CACNA1H: variants seen among roughly 807,000 people sequenced by gnomAD.
CACNA1H encodes the protein voltage-dependent T-type calcium channel subunit alpha-1H.
In CACNA1H, 149 loss-of-function variants were observed where a neutral mutation model predicts 192.5. The ratio of observed to expected loss-of-function variants is 0.77; its 90% confidence interval spans 0.68 to 0.89. The LOEUF (loss-of-function observed/expected upper bound fraction) is 0.89. Among genes scored for constraint, CACNA1H ranks in the 40% least tolerant of loss-of-function variants. The pLI, the probability that CACNA1H is intolerant of heterozygous loss-of-function variation, is 0.00. For synonymous variants in CACNA1H, 2,202 were observed against 1,475.2 expected (o/e 1.49, Z -11.29); for missense variants, 4,257 against 3,423.5 (o/e 1.24, Z -6.08).
chr16:1,213,045 C>T (rs969475294), intron 26 of CACNA1H, among the ~76,000 whole-genome samples: 23 of 152,046 alleles, frequency 1.5e-4, no homozygotes, highest in Non-Finnish European at 2.2e-4. Context: ...GGGAGCTCCT[C>T]CTCGTACGTG....
Position 1,218,545 on chromosome 16 carries a change from G to A in CACNA1H, c.5781G>A (p.Leu1927=), listed in dbSNP as rs1283097894. 2 of 1,559,728 alleles carry A rather than the reference G, an allele frequency of 1.3e-6. No homozygotes were observed. Among genetic ancestry groups the A allele is most frequent in the Non-Finnish European group, 8.7e-7 (1 of 1,152,296 alleles). The change falls in exon 33 of 35, where the codon CTG becomes CTA. Residue 1927 remains leucine, a synonymous_variant. Transcript: ENST00000348261. ...TGTCCGTGTCCAGGATGCTCTCGCT[G>A]CCCAACGACAGCTACATGTTCAGGC... ...RKVSVSRMLS[L]PNDSYMFRPV... is the part of the protein sequence containing the mutation.
At chr16:1,212,901 G>T (rs974269146) in intron 26 of CACNA1H, among the ~76,000 whole-genome samples, 1 of 152,216 alleles carries the variant, frequency 6.6e-6, no homozygotes, top group Non-Finnish European at 1.5e-5. Flanking sequence ...ACTGCATGCC[G>T]GCCGCAGAGC....
chr16:1,193,297 G>A (rs889468996), intron 2 of CACNA1H, among the ~76,000 whole-genome samples: 1 of 152,268 alleles, frequency 6.6e-6, no homozygotes, highest in African/African-American at 2.4e-5. Context: ...CCGAGGCTGG[G>A]GGCGGAGCCG....
chr16:1,189,870 C>G (rs994907756), intron 2 of CACNA1H, among the ~76,000 whole-genome samples: 6 of 152,204 alleles, frequency 3.9e-5, no homozygotes, highest in African/African-American at 9.6e-5. Flanking sequence ...TTCATCGTTA[C>G]GAGCCCCTGG....
rs1970465159 is a variant in CACNA1H at position 1,221,308 on chromosome 16, G to A, written c.*314G>A. Reference sequence around the variant, plus strand: ...TGGGACGAAGACCGGGCACCCGCCAGAGAGGGGAAGGTACCAGGTTGCGTC... The same window carrying A: ...TGGGACGAAGACCGGGCACCCGCCAAAGAGGGGAAGGTACCAGGTTGCGTC... On this transcript the variant is annotated 3_prime_UTR_variant, in exon 35 of 35. Coordinates refer to ENST00000348261, the MANE Select transcript of CACNA1H (RefSeq NM_021098.3). The A allele has an allele frequency of 2.5e-6, 1 of 402,676 alleles. No homozygotes were observed. The highest frequency in any genetic ancestry group is 4.4e-6 in the Non-Finnish European group (1 of 226,708). 24.9% of individuals were successfully genotyped at this position (402,676 alleles called of 1,614,324 possible).
At chr16:1,196,570 G>A (rs1382852470) in intron 5 of CACNA1H, among the ~76,000 whole-genome samples, 3 of 152,238 alleles carry the variant, frequency 2.0e-5, no homozygotes, top group South Asian at 2.1e-4. Flanking sequence ...AAGGAAAGGG[G>A]AAGTTGGCTG....
intron 9 of CACNA1H, among the ~76,000 whole-genome samples, chr16:1,203,158 G>A (rs551939847): frequency 2.6e-5 from 4 of 152,292 alleles, no homozygotes; most frequent in African/African-American, 4.8e-5. Context: ...TACCCAGGGC[G>A]TGCAGACGAG....
chr16:1,200,643 A>C (rs1424664888), intron 7 of CACNA1H, 72 bp downstream of exon 7: 5 of 1,581,178 alleles, frequency 3.2e-6, no homozygotes, highest in Non-Finnish European at 4.3e-6. Flanking sequence ...CGCCCCCCCC[A>C]GCCCAGACCC....
At position 1,210,874 on chromosome 16, in the gene CACNA1H, C is replaced by G. The variant is rs1204896297; in HGVS notation, c.4126C>G (p.Leu1376Val). Residue 1376 changes from leucine to valine, a missense_variant, in exon 21 of 35, where the codon CTG (leucine) becomes GTG (valine). Transcript: ENST00000348261. ...LLDGLLVLVS[L>V]VDIVVAMASA... ...GGATGGGCTGCTGGTGCTGGTGTCC[C>G]TGGTGGACATTGTCGTGGCCATGGC... is the stretch of plus-strand genomic sequence containing the variant. 6.2e-7 allele frequency: 1 copy of G among 1,605,652 alleles called. No homozygotes were observed. Among genetic ancestry groups the G allele is most frequent in the Non-Finnish European group, 8.5e-7 (1 of 1,179,710 alleles).
At chr16:1,194,869 G>T (rs931710336) in intron 2 of CACNA1H, 103 bp from the exon 3 acceptor site, 56 of 827,032 alleles carry the variant, frequency 6.8e-5, no homozygotes, top group Non-Finnish European at 1.1e-4. Flanking sequence ...CCCCACGCGC[G>T]CACACCCGTG....
chr16:1,207,841 C>T lies in CACNA1H; in HGVS notation c.3135C>T (p.Leu1045=), dbSNP rs560635024. The change falls in exon 15 of 35, where the codon CTC becomes CTT. Residue 1045 remains leucine (L), a synonymous_variant. Transcript: ENST00000348261. The stretch of plus-strand genomic sequence containing the variant: ...ACTTCGAGGAGGACTTCCACAAGCT[C>T]AGAGAACTCCAGACCACAGGTGCGT... ...SVHFEEDFHK[L]RELQTTELKM... 12 of 1,595,836 alleles carry T rather than the reference C, an allele frequency of 7.5e-6. No individual in the cohort carries two copies. Among genetic ancestry groups the T allele is most frequent in the South Asian group, 2.3e-5 (2 of 88,056 alleles).
Position 1,198,617 on chromosome 16 carries a change from A to G in CACNA1H, c.646A>G (p.Met216Val). Residue 216 changes from methionine (M) to valine (V), a missense_variant and splice_region_variant, in exon 6 of 35, where the codon ATG becomes GTG. Transcript: ENST00000348261. ...AATCCTGGCCCTGCTGCCCACAGGC[A>G]TGCGGATCCTGGTCACTCTGCTGCT... ...PLRAINRVPSMRILVTLLLDT... is the reference protein window; with the variant it reads ...PLRAINRVPSVRILVTLLLDT... The G allele has an allele frequency of 6.2e-7, 1 of 1,612,708 alleles. No individual in the cohort carries two copies. Among genetic ancestry groups the G allele is most frequent in the Non-Finnish European group, 8.5e-7 (1 of 1,179,596 alleles).
At position 1,198,621 on chromosome 16, in the gene CACNA1H, G is replaced by A. The variant is rs781255150; in HGVS notation, c.650G>A (p.Arg217Gln). 6 of 1,612,866 alleles carry A rather than the reference G, an allele frequency of 3.7e-6. No homozygotes were observed. Among genetic ancestry groups the A allele is most frequent in the East Asian group, 2.2e-5 (1 of 44,882 alleles). The change falls in exon 6 of 35, where the codon CGG becomes CAG. Residue 217 changes from arginine (R) to glutamine (Q), a missense_variant. Transcript: ENST00000348261. ...CTGGCCCTGCTGCCCACAGGCATGC[G>A]GATCCTGGTCACTCTGCTGCTGGAT... ...LRAINRVPSM[R>Q]ILVTLLLDTL...
In CACNA1H at chr16:1,215,679, C is replaced by T. The variant is rs571978636; in HGVS notation, c.5244+86C>T. ...CCTCGCCGTCCCCCTCTCCCCCTCA[C>T]TCGTTTCTCTGGTCCCTCGGTTGTG... On this transcript the variant is annotated intron_variant, in intron 30 of 34. Coordinates refer to ENST00000348261, the MANE Select transcript of CACNA1H (RefSeq NM_021098.3). 1,235 of 1,048,626 alleles carry T rather than the reference C, an allele frequency of 1.2e-3. 3 individuals are homozygous for T. The highest frequency in any genetic ancestry group is 1.2e-3 in the Non-Finnish European group (845 of 703,990). The allele number at this position is 1,048,626 out of a possible 1,614,324, so 65.0% of individuals were successfully genotyped here.
At position 1,200,294 on chromosome 16, in the gene CACNA1H, C is replaced by T. The variant is rs774565789; in HGVS notation, c.842C>T (p.Thr281Met). 1.3e-5 allele frequency: 21 copies of T among 1,605,740 alleles called. No individual in the cohort carries two copies. The highest frequency in any genetic ancestry group is 3.4e-5 in the Admixed American group (2 of 59,274). The change falls in exon 7 of 35, where the codon ACG (threonine) becomes ATG (methionine). Residue 281 changes from threonine to methionine, a missense_variant. Thr to Met is a moderately conservative substitution (Grantham distance 81, BLOSUM62 -1). Transcript: ENST00000348261. ...NLTFLRPYYQ[T>M]EEGEENPFIC... Reference sequence around the variant, plus strand: ...ACCTTCCTGCGGCCGTACTACCAGACGGAGGAGGGCGAGGAGAACCCGTTC... The same window carrying T: ...ACCTTCCTGCGGCCGTACTACCAGATGGAGGAGGGCGAGGAGAACCCGTTC...
At position 1,200,820 on chromosome 16, in the gene CACNA1H, C is replaced by T. The variant is rs8060577; in HGVS notation, c.1212+12C>T. Reference sequence around the variant, plus strand: ...TCCTGCTCATCATCGTGAGTGTGGGCGGCAGTGTTCGCCATGATGGGCCCT... The same window carrying T: ...TCCTGCTCATCATCGTGAGTGTGGGTGGCAGTGTTCGCCATGATGGGCCCT... On this transcript the variant is annotated intron_variant, in intron 8 of 34. Transcript: ENST00000348261. The T allele has an allele frequency of 8.0e-3, 12,403 of 1,546,374 alleles. 843 individuals carry two copies. The African/African-American group carries it at 0.15, about 18-fold the overall frequency.
In CACNA1H at chr16:1,200,786, T is replaced by C. The variant is rs1967770435; in HGVS notation, c.1190T>C (p.Ile397Thr). 3.2e-6 allele frequency: 5 copies of C among 1,552,748 alleles called. No individual in the cohort carries two copies. The East Asian group carries it at 1.2e-4, about 38-fold the overall frequency. ...VMDAHSFYNF[I>T]YFILLIIVGS... ...GACGCCCACTCATTCTACAACTTCA[T>C]CTATTTCATCCTGCTCATCATCGTG... The change falls in exon 8 of 35, where the codon ATC becomes ACC. Residue 397 changes from isoleucine to threonine, a missense_variant. Physicochemically the swap from Ile to Thr is moderately conservative, Grantham distance 89. Coordinates refer to ENST00000348261, the MANE Select transcript of CACNA1H (RefSeq NM_021098.3).
intron 2 of CACNA1H, among the ~76,000 whole-genome samples, chr16:1,170,376 G>T (rs555827400): frequency 1.8e-3 from 269 of 152,338 alleles, no homozygotes; most frequent in Non-Finnish European, 2.7e-3. Context: ...CAGGGCCCGA[G>T]GAATCCGGGG....
At position 1,204,357 on chromosome 16, in the gene CACNA1H, G is replaced by T; in HGVS notation, c.2350G>T (p.Gly784Cys). ...WMGRLWVTFS[G>C]KLRRIVDSKY... Reference sequence around the variant, plus strand: ...GGGCCGCCTCTGGGTTACCTTCAGCGGCAAGCTGCGCCGCATCGTGGACAG... The same window carrying T: ...GGGCCGCCTCTGGGTTACCTTCAGCTGCAAGCTGCGCCGCATCGTGGACAG... Residue 784 changes from glycine to cysteine, a missense_variant, in exon 10 of 35, where the codon GGC becomes TGC. By Grantham distance (159) the Gly-to-Cys change is radical (BLOSUM62 -3). Transcript: ENST00000348261. The T allele has an allele frequency of 6.3e-7, 1 of 1,577,828 alleles. No homozygotes were observed. The highest frequency in any genetic ancestry group is 8.6e-7 in the Non-Finnish European group (1 of 1,162,592).
Sources: gnomAD v4.1 joint callset for allele counts (sites outside exome capture counted in the v4.1 genomes callset) on GRCh38, gnomAD v4.1.1 for gene constraint, MANE v1.5 for transcripts, NCBI Gene and HGNC (gene_info 2026-07-23, HGNC 2026-07-21) for gene names.